The following TASP1 variants were observed in gnomAD, a reference collection of about 807,000 sequenced individuals.
TASP1 encodes the protein taspase 1.
Under a neutral mutation model 56.6 loss-of-function variants are expected in TASP1, and 16 were observed. The observed-to-expected ratio is 0.28, with a 90% confidence interval of 0.19 to 0.43. TASP1 has a LOEUF of 0.43. Ranked by LOEUF, TASP1 falls within the 20% of genes least tolerant of loss-of-function variation. The pLI is 1.00. For synonymous variants in TASP1, 179 were observed against 184.2 expected, an observed-to-expected ratio of 0.97 and a Z score of 0.23; for missense variants, 393 against 511.6, an observed-to-expected ratio of 0.77 and a Z score of 2.24.
At chr20:13,505,839 C>T (rs968220665) in intron 10 of TASP1, among the ~76,000 whole-genome samples, 2 of 151,906 alleles carry the variant, frequency 1.3e-5, no homozygotes, top group African/African-American at 4.8e-5. Context: ...TAATTTTATA[C>T]TTCAATAAAC....
chr20:13,114,559 C>G, the TASP1 span, among the ~76,000 whole-genome samples: 1 of 152,124 alleles, frequency 6.6e-6, no homozygotes, highest in African/African-American at 2.4e-5. Flanking sequence ...CCTCAGAATA[C>G]CATTTACTCT....
chr20:13,345,916 TAAAAAAA>T, the TASP1 span, among the ~76,000 whole-genome samples: 16 of 101,332 alleles, frequency 1.6e-4, no homozygotes, highest in African/African-American at 2.2e-4. Flanking sequence ...CTCAGTAGGT[TAAAAAAA>T]AAAAAAAAAA....
the TASP1 span, among the ~76,000 whole-genome samples, chr20:13,210,741 T>G: frequency 1.3e-5 from 2 of 152,044 alleles, no homozygotes; most frequent in Non-Finnish European, 2.9e-5. Context: ...TAATTCCCCA[T>G]ATTTTCAAGA....
At chr20:13,634,388 G>C (rs1020177944) in intron 1 of TASP1, among the ~76,000 whole-genome samples, 5 of 152,296 alleles carry the variant, frequency 3.3e-5, no homozygotes, top group Admixed American at 1.3e-4. Flanking sequence ...GGAAGGTAGG[G>C]TGATGGAGAG....
the TASP1 span, among the ~76,000 whole-genome samples, chr20:13,141,168 T>G: frequency 6.6e-6 from 1 of 152,228 alleles, no homozygotes. Flanking sequence ...TTCCTACTGT[T>G]TATTTTTGAC....
chr20:13,159,417 T>G, the TASP1 span, among the ~76,000 whole-genome samples: 1 of 152,170 alleles, frequency 6.6e-6, no homozygotes, highest in African/African-American at 2.4e-5. Context: ...ATTTCTTATC[T>G]CTGATTTGAT....
At chr20:13,584,882 T>C (rs2047248608) in intron 5 of TASP1, among the ~76,000 whole-genome samples, 1 of 152,198 alleles carries the variant, frequency 6.6e-6, no homozygotes, top group Non-Finnish European at 1.5e-5. Flanking sequence ...ATGTTAAAAA[T>C]ATTGAATCCT....
At chr20:13,302,958 A>G in the TASP1 span, among the ~76,000 whole-genome samples, 1 of 152,238 alleles carries the variant, frequency 6.6e-6, no homozygotes, top group African/African-American at 2.4e-5. Flanking sequence ...CCAAGAGGGT[A>G]GAGTTCTCTG....
At chr20:13,283,036 TTTTA>T in the TASP1 span, among the ~76,000 whole-genome samples, 1 of 152,168 alleles carries the variant, frequency 6.6e-6, no homozygotes, top group Non-Finnish European at 1.5e-5. Flanking sequence ...CTTTCTGTTT[TTTTA>T]TTTATTTAAT....
chr20:13,625,314 A>G, intron 2 of TASP1, 62 bp from the exon 3 acceptor site: 2 of 1,374,632 alleles, frequency 1.5e-6, no homozygotes, highest in Admixed American at 3.8e-5. Context: ...CTTATGTTAT[A>G]TAAATACTCC....
At chr20:13,108,593 G>A in the TASP1 span, among the ~76,000 whole-genome samples, 1 of 151,558 alleles carries the variant, frequency 6.6e-6, no homozygotes, top group Non-Finnish European at 1.5e-5. Context: ...TTTTCACTTT[G>A]AGACAGAGTC....
intron 6 of TASP1, among the ~76,000 whole-genome samples, chr20:13,571,785 G>A (rs916410251): frequency 1.3e-5 from 2 of 152,008 alleles, no homozygotes; most frequent in Non-Finnish European, 2.9e-5. Flanking sequence ...GATCCTTACC[G>A]CTCCCCAGTT....
the TASP1 span, among the ~76,000 whole-genome samples, chr20:13,248,569 G>C: frequency 6.6e-6 from 1 of 152,202 alleles, no homozygotes; most frequent in East Asian, 1.9e-4. Flanking sequence ...TACCTCTTGA[G>C]CCAGGCCTCA....
At chr20:13,279,532 C>A in the TASP1 span, 1 of 1,131,720 alleles carries the variant, frequency 8.8e-7, no homozygotes, top group Non-Finnish European at 1.3e-6. Flanking sequence ...ACAACGGATG[C>A]ATCCATCATT....
chr20:13,409,646 A>G (rs1443930129), intron 13 of TASP1, among the ~76,000 whole-genome samples: 1 of 151,868 alleles, frequency 6.6e-6, no homozygotes, highest in Non-Finnish European at 1.5e-5. Flanking sequence ...AATATACTCA[A>G]TATCAGTTAT....
chr20:13,612,200 C>T (rs2048367932), intron 4 of TASP1, among the ~76,000 whole-genome samples: 1 of 152,082 alleles, frequency 6.6e-6, no homozygotes, highest in African/African-American at 2.4e-5. Context: ...GTCAACTCAC[C>T]TTTACTAAAA....
At chr20:13,559,791 C>G (rs903286341) in intron 7 of TASP1, among the ~76,000 whole-genome samples, 1 of 152,146 alleles carries the variant, frequency 6.6e-6, no homozygotes, top group African/African-American at 2.4e-5. Flanking sequence ...AACAAACTGG[C>G]CTTAACTTAC....
chr20:13,567,893 G>A (rs1437273807), intron 7 of TASP1, among the ~76,000 whole-genome samples: 1 of 152,268 alleles, frequency 6.6e-6, no homozygotes, highest in East Asian at 1.9e-4. Flanking sequence ...AGCAGACCTA[G>A]TAAGACTCGA....
chr20:13,167,785 T>C, the TASP1 span: 2 of 152,166 alleles, frequency 1.3e-5, no homozygotes, highest in African/African-American at 2.4e-5. Flanking sequence ...CACCAGACCT[T>C]TACTGAAACA....
Sources: allele counts gnomAD v4.1 joint callset (sites outside exome capture counted in the v4.1 genomes callset), GRCh38; gene constraint gnomAD v4.1.1; transcripts MANE v1.5; gene names NCBI Gene and HGNC (gene_info 2026-07-23, HGNC 2026-07-21).